Variants in LINGO1 observed in about 807,000 individuals in gnomAD.
LINGO1 encodes leucine-rich repeat and immunoglobulin-like domain-containing nogo receptor-interacting protein 1.
LINGO1 carries 11 observed loss-of-function variants against 37.3 expected under a neutral mutation model. The ratio of observed to expected loss-of-function variants is 0.29; its 90% CI spans 0.19 to 0.49. The LOEUF (loss-of-function observed/expected upper bound fraction) is 0.49. Ranked by LOEUF, LINGO1 falls within the 20% of genes least tolerant of loss-of-function variation. LINGO1 has a pLI of 0.99. For missense variants in LINGO1, 585 were observed against 878.2 expected (o/e 0.67, Z 4.22); for synonymous variants, 387 against 403.0 (o/e 0.96, Z 0.48).
chr15:77,729,705 CT>C (rs2076136570), intron 2 of LINGO1, among the ~76,000 whole-genome samples: 1 of 152,224 alleles, frequency 6.6e-6, no homozygotes, highest in Non-Finnish European at 1.5e-5. Flanking sequence ...AGGAAACCTA[CT>C]CCTTCTCAAG....
chr15:77,714,850 G>T (rs150306866), intron 2 of LINGO1, among the ~76,000 whole-genome samples: 2 of 152,190 alleles, frequency 1.3e-5, no homozygotes, highest in Non-Finnish European at 2.9e-5. Context: ...CAGATGACTC[G>T]ATGACATGAT....
upstream of LINGO1, among the ~76,000 whole-genome samples, chr15:77,699,824 A>G (rs2075760098): frequency 1.7e-5 from 1 of 58,082 alleles, no homozygotes; most frequent in South Asian, 5.2e-4. Flanking sequence ...CCCAGTCCTC[A>G]GCATCCCCAG....
chr15:77,721,867 GC>G (rs950825885), intron 2 of LINGO1, among the ~76,000 whole-genome samples: 60 of 151,310 alleles, frequency 4.0e-4, no homozygotes, highest in African/African-American at 1.4e-3. Flanking sequence ...AACTTCCCCT[GC>G]CCCCTAATTA....
chr15:77,702,142 G>C lies in LINGO1; in HGVS notation c.-194-11241C>G, dbSNP rs189363793. Among the ~76,000 whole-genome samples, 8 of 152,318 alleles carry C rather than the reference G, an allele frequency of 5.3e-5. No homozygotes were observed. In the East Asian group the frequency reaches 1.5e-3, roughly 29 times the overall value. On this transcript the variant is annotated intron_variant, in intron 2 of 3. Transcript: ENST00000561686. Reference sequence around the variant, plus strand: ...TCCCCCAAGGCTTTTGCACCTGGGAGAGGCAACAACTAGGAATATTGGCAG... The same window carrying C: ...TCCCCCAAGGCTTTTGCACCTGGGACAGGCAACAACTAGGAATATTGGCAG...
intron 2 of LINGO1, among the ~76,000 whole-genome samples, chr15:77,706,350 T>C (rs1398929105): frequency 6.6e-6 from 1 of 152,212 alleles, no homozygotes; most frequent in African/African-American, 2.4e-5. Context: ...TGTGTCCCTC[T>C]GCTCTTCATC....
upstream of LINGO1, among the ~76,000 whole-genome samples, chr15:77,699,772 C>CACCTGCACACAGTAAGCACATACTA (rs1482949650): frequency 1.3e-5 from 2 of 150,222 alleles, no homozygotes; most frequent in Non-Finnish European, 1.5e-5. Flanking sequence ...TACTAACCAT[C>CACCTGCACACAGTAAGCACATACTA]ATTCCCCCCC....
chr15:77,784,732 C>T (rs1443721790), intron 1 of LINGO1: 1 of 151,964 alleles, frequency 6.6e-6, no homozygotes, highest in Non-Finnish European at 1.5e-5. Flanking sequence ...AGTCTTACAC[C>T]TGGGAAGGTC....
chr15:77,779,634 G>A (rs1405266130), intron 1 of LINGO1, among the ~76,000 whole-genome samples: 1 of 152,150 alleles, frequency 6.6e-6, no homozygotes, highest in Non-Finnish European at 1.5e-5. Flanking sequence ...AGGCTCCACT[G>A]ATCTTATGGG....
At chr15:77,769,277 G>A (rs2076560281) in intron 1 of LINGO1, among the ~76,000 whole-genome samples, 1 of 152,234 alleles carries the variant, frequency 6.6e-6, no homozygotes, top group Admixed American at 6.5e-5. Flanking sequence ...TTTGCCAGGA[G>A]CTCAAAGAGA....
At chr15:77,815,329 G>C (rs781667846) in intron 1 of LINGO1, among the ~76,000 whole-genome samples, 1 of 136,618 alleles carries the variant, frequency 7.3e-6, no homozygotes, top group East Asian at 2.6e-4. Context: ...GGCACAGCCA[G>C]AAAAACCCAA....
At chr15:77,766,907 G>A (rs1014410898) in intron 1 of LINGO1, among the ~76,000 whole-genome samples, 2 of 150,836 alleles carry the variant, frequency 1.3e-5, no homozygotes, top group African/African-American at 4.9e-5. Context: ...TCCATTGGAA[G>A]GACAGATTGA....
upstream of LINGO1, among the ~76,000 whole-genome samples, chr15:77,701,400 T>C (rs1231202607): frequency 4.6e-5 from 7 of 152,072 alleles, no homozygotes; most frequent in Non-Finnish European, 1.0e-4. Context: ...AGCAGCTCTA[T>C]ACCCACCAAA....
intron 3 of LINGO1, among the ~76,000 whole-genome samples, chr15:77,654,486 G>A (rs891547945): frequency 6.6e-6 from 1 of 152,158 alleles, no homozygotes; most frequent in Non-Finnish European, 1.5e-5. Flanking sequence ...GGCTAGGTAT[G>A]GTTAGAGCCC....
chr15:77,726,884 C>G (rs1196151031), intron 2 of LINGO1, among the ~76,000 whole-genome samples: 1 of 152,164 alleles, frequency 6.6e-6, no homozygotes, highest in East Asian at 1.9e-4. Flanking sequence ...TAAAGAACTT[C>G]TACAACTCAA....
intron 3 of LINGO1, chr15:77,642,045 T>C (rs72546307): frequency 5.8e-4 from 262 of 455,006 alleles, no homozygotes; most frequent in Admixed American, 1.4e-3. Context: ...GGAAGGGTTC[T>C]AAGAGCATAT....
chr15:77,781,921 AATCTG>A (rs1303169913), intron 1 of LINGO1, among the ~76,000 whole-genome samples: 1 of 152,172 alleles, frequency 6.6e-6, no homozygotes, highest in Non-Finnish European at 1.5e-5. Flanking sequence ...GAGCTGTGAC[AATCTG>A]GCTCCTCAGA....
chr15:77,805,124 C>T (rs1056816280), intron 1 of LINGO1, among the ~76,000 whole-genome samples: 2 of 152,234 alleles, frequency 1.3e-5, no homozygotes, highest in Non-Finnish European at 2.9e-5. Context: ...CCTTGTCCCC[C>T]TTGGACAACT....
At chr15:77,659,063 C>T (rs1468281980) in intron 3 of LINGO1, among the ~76,000 whole-genome samples, 1 of 152,152 alleles carries the variant, frequency 6.6e-6, no homozygotes, top group Non-Finnish European at 1.5e-5. Flanking sequence ...AGGGCAGTGG[C>T]TTGGGTGCCT....
intron 2 of LINGO1, among the ~76,000 whole-genome samples, chr15:77,703,404 G>A (rs2075809405): frequency 6.6e-6 from 1 of 152,142 alleles, no homozygotes; most frequent in African/African-American, 2.4e-5. Context: ...CCAGGAGGAG[G>A]GAACACCTAG....
Sources: gnomAD v4.1 joint callset for allele counts (sites outside exome capture counted in the v4.1 genomes callset) on GRCh38, gnomAD v4.1.1 for gene constraint, MANE v1.5 for transcripts, NCBI Gene and HGNC (gene_info 2026-07-23, HGNC 2026-07-21) for gene names.